KIF25: variants seen among roughly 807,000 people sequenced by gnomAD.
The protein encoded by KIF25 is kinesin-like protein KIF25.
KIF25 carries 19 observed loss-of-function variants against 32.9 expected under a neutral mutation model. The ratio of observed to expected loss-of-function variants is 0.58; its 90% CI spans 0.40 to 0.85. The LOEUF is 0.85. Ranked by LOEUF, KIF25 falls within the 40% of genes least tolerant of loss-of-function variation. The pLI is 0.00. For synonymous variants in KIF25, 225 were observed against 213.7 expected (o/e 1.05, Z -0.46); for missense variants, 485 against 507.0 (o/e 0.96, Z 0.42).
intron 4 of KIF25, among the ~76,000 whole-genome samples, chr6:168,016,208 G>C (rs779162218): frequency 6.6e-6 from 1 of 152,146 alleles, no homozygotes; most frequent in African/African-American, 2.4e-5. Context: ...GTTTTGCTTC[G>C]GTGTTTTGAG....
intron 5 of KIF25, among the ~76,000 whole-genome samples, chr6:168,024,107 A>T (rs1312530313): frequency 2.0e-5 from 3 of 150,862 alleles, no homozygotes; most frequent in Admixed American, 1.3e-4. Flanking sequence ...GGTTCAATGG[A>T]TTTAATTTGT....
In KIF25 at chr6:168,001,409, A is replaced by G. The variant is rs74621580; in HGVS notation, c.-369-1134A>G. 2.1e-3 allele frequency among the ~76,000 whole-genome samples: 317 copies of G among 152,350 alleles called. 1 individual carries two copies. Among genetic ancestry groups the G allele is most frequent in the Middle Eastern group, 0.01 (3 of 294 alleles). ...CAGCTTTCCTGAACTTGCCTTTTAC[A>G]TGGCACTTCCAGACGGCTTTTGTTA... is the stretch of plus-strand genomic sequence containing the variant. On this transcript the variant is annotated intron_variant, in intron 2 of 12. Coordinates refer to ENST00000643607, the MANE Select transcript of KIF25 (RefSeq NM_030615.4).
chr6:168,008,734 C>A (rs895658016), intron 4 of KIF25, among the ~76,000 whole-genome samples: 1 of 151,826 alleles, frequency 6.6e-6, no homozygotes, highest in African/African-American at 2.4e-5. Context: ...TGTTTGCATC[C>A]TCTTCAATTT....
At position 168,041,950 on chromosome 6, in the gene KIF25, G is replaced by A. The variant is rs1243842386; in HGVS notation, c.647-19G>A. On this transcript the variant is annotated intron_variant, in intron 10 of 12. Transcript: ENST00000643607. ...TCATGCAACTGTTTTCCTCCTCGTCGCTCCTTGGTCCCTTGCAGCAGACCA... is the reference window on the plus strand; with the variant it reads ...TCATGCAACTGTTTTCCTCCTCGTCACTCCTTGGTCCCTTGCAGCAGACCA... 2.6e-6 allele frequency: 4 copies of A among 1,549,012 alleles called. No individual in the cohort carries two copies. The South Asian group carries it at 4.8e-5, about 18-fold the overall frequency.
intron 10 of KIF25, among the ~76,000 whole-genome samples, chr6:168,041,451 C>T (rs552083957): frequency 7.2e-5 from 11 of 152,294 alleles, no homozygotes; most frequent in Admixed American, 3.9e-4. Flanking sequence ...GGAATAAGAC[C>T]GGATTTCATG....
intron 2 of KIF25, among the ~76,000 whole-genome samples, chr6:168,000,337 A>T (rs1254045471): frequency 1.6e-5 from 1 of 62,640 alleles, no homozygotes; most frequent in African/African-American, 6.4e-5. Context: ...TCCCATCCTG[A>T]CCACACCTGG....
intron 4 of KIF25, among the ~76,000 whole-genome samples, chr6:168,011,779 C>T (rs957382): frequency 0.24 from 37,213 of 152,106 alleles, 5,042 homozygotes; most frequent in Non-Finnish European, 0.34. Flanking sequence ...CTCAGCTTTT[C>T]TCTTCTCTTT....
At chr6:168,041,237 C>T (rs1799114019) in intron 10 of KIF25, among the ~76,000 whole-genome samples, 2 of 152,234 alleles carry the variant, frequency 1.3e-5, no homozygotes. Flanking sequence ...CATTTGGCCT[C>T]CAAGGTTGCT....
At chr6:168,019,939 C>G (rs927222113) in intron 5 of KIF25, among the ~76,000 whole-genome samples, 2 of 152,266 alleles carry the variant, frequency 1.3e-5, no homozygotes, top group Non-Finnish European at 2.9e-5. Flanking sequence ...TCGAGACCAT[C>G]CTGGCCAAAT....
At chr6:168,032,083 G>A (rs1184653444) in intron 7 of KIF25, among the ~76,000 whole-genome samples, 1 of 152,260 alleles carries the variant, frequency 6.6e-6, no homozygotes, top group Non-Finnish European at 1.5e-5. Context: ...TTAGGTAGCA[G>A]CTTCAGAGAG....
chr6:168,014,943 C>G (rs999950699), intron 4 of KIF25, among the ~76,000 whole-genome samples: 1 of 152,162 alleles, frequency 6.6e-6, no homozygotes, highest in African/African-American at 2.4e-5. Flanking sequence ...TGAATATAGT[C>G]AACAGAGCCT....
intron 10 of KIF25, among the ~76,000 whole-genome samples, chr6:168,040,598 C>A (rs749350255): frequency 2.0e-5 from 3 of 151,628 alleles, no homozygotes; most frequent in Non-Finnish European, 4.4e-5. Flanking sequence ...GAAGAAAAAT[C>A]AGCATGCCTG....
chr6:168,042,126 G>A lies in KIF25; in HGVS notation c.804G>A (p.Val268=). 1 of 1,550,200 alleles carries A rather than the reference G, an allele frequency of 6.5e-7. No individual in the cohort carries two copies. The highest frequency in any genetic ancestry group is 8.7e-7 in the Non-Finnish European group (1 of 1,147,280). ...AEQVQARLQL[V]DSAGSECVGV... is the part of the protein sequence containing the mutation. ...AGGTGCAGGCTCGACTACAGCTCGT[G>A]GACTCGGCCGGCAGCGAGTGCGTTG... Residue 268 remains valine, a synonymous_variant, in exon 11 of 13, where the codon GTG becomes GTA. Coordinates refer to ENST00000643607, the MANE Select transcript of KIF25 (RefSeq NM_030615.4).
chr6:168,012,586 C>T (rs1479230276), intron 4 of KIF25, among the ~76,000 whole-genome samples: 2 of 152,206 alleles, frequency 1.3e-5, no homozygotes, highest in African/African-American at 2.4e-5. Flanking sequence ...GTTGGAGCCA[C>T]ATGGCTGTTC....
intron 4 of KIF25, among the ~76,000 whole-genome samples, chr6:168,012,943 G>A (rs1798667590): frequency 6.6e-6 from 1 of 152,144 alleles, no homozygotes; most frequent in African/African-American, 2.4e-5. Context: ...CAGGCTGTGT[G>A]GCTGGCCTGG....
chr6:168,036,012 A>T (rs1799020774), intron 8 of KIF25: 1 of 312,684 alleles, frequency 3.2e-6, no homozygotes, highest in Non-Finnish European at 6.5e-6. Flanking sequence ...ATACAAAACC[A>T]CAATGACATC....
chr6:168,026,199 AC>A (rs1298804395), intron 5 of KIF25, among the ~76,000 whole-genome samples: 1 of 152,074 alleles, frequency 6.6e-6, no homozygotes, highest in Non-Finnish European at 1.5e-5. Context: ...TGGGGAAACC[AC>A]CCTCGGGGAT....
In KIF25 at chr6:168,025,570, C is replaced by T. The variant is rs535898166; in HGVS notation, c.-94-3922C>T. 3.9e-5 allele frequency among the ~76,000 whole-genome samples: 6 copies of T among 152,280 alleles called. No individual in the cohort carries two copies. In the South Asian group the frequency reaches 8.3e-4, roughly 21 times the overall value. Reference sequence around the variant, plus strand: ...AGCTTTTTCCTTCCTCCCGACCCCACCTCCAATCCTTGCAGTTTACTGTTA... The same window carrying T: ...AGCTTTTTCCTTCCTCCCGACCCCATCTCCAATCCTTGCAGTTTACTGTTA... On this transcript the variant is annotated intron_variant, in intron 5 of 12. Transcript: ENST00000643607.
chr6:168,042,685 C>A lies in KIF25; in HGVS notation c.954C>A (p.Ser318Arg). ...EHRGHAPYRNSRLTHLLQDCL... is the reference protein window; with the variant it reads ...EHRGHAPYRNRRLTHLLQDCL... Reference sequence around the variant, plus strand: ...GTGGCCATGCCCCGTACCGGAACAGCAGGCTCACCCACCTCCTTCAGGACT... The same window carrying A: ...GTGGCCATGCCCCGTACCGGAACAGAAGGCTCACCCACCTCCTTCAGGACT... Residue 318 changes from serine to arginine, a missense_variant, in exon 12 of 13, where the codon AGC becomes AGA. Physicochemically the swap from Ser to Arg is moderately radical, Grantham distance 110. Transcript: ENST00000643607. 1 of 1,612,880 alleles carries A rather than the reference C, an allele frequency of 6.2e-7. No homozygotes were observed. The highest frequency in any genetic ancestry group is 8.5e-7 in the Non-Finnish European group (1 of 1,179,886).
Sources: allele counts gnomAD v4.1 joint callset (sites outside exome capture counted in the v4.1 genomes callset), GRCh38; gene constraint gnomAD v4.1.1; transcripts MANE v1.5; gene names NCBI Gene and HGNC (gene_info 2026-07-23, HGNC 2026-07-21).